LRRC4C: variants seen among roughly 807,000 people sequenced by gnomAD.
LRRC4C encodes leucine rich repeat containing 4C.
Under a neutral mutation model 33.6 loss-of-function variants are expected in LRRC4C, and 5 were observed. The observed-to-expected ratio is 0.15, with a 90% CI of 0.08 to 0.31. The LOEUF is 0.31. Ranked by LOEUF, LRRC4C falls within the 10% of genes least tolerant of loss-of-function variation. The pLI is 1.00. For missense variants in LRRC4C, 560 were observed against 796.7 expected (o/e 0.70, Z 3.58); for synonymous variants, 329 against 302.0 (o/e 1.09, Z -0.93).
At chr11:41,021,206 AGAGAGAGAGTGTGT>A (rs1298949488) in intron 1 of LRRC4C, among the ~76,000 whole-genome samples, 22 of 84,230 alleles carry the variant, frequency 2.6e-4, no homozygotes, top group African/African-American at 8.1e-4. Context: ...AGAGAGAGAG[AGAGAGAGAGTGTGT>A]GTGTGTGTGT....
At chr11:40,545,869 T>C (rs1407970574) in intron 3 of LRRC4C, among the ~76,000 whole-genome samples, 1 of 151,882 alleles carries the variant, frequency 6.6e-6, no homozygotes, top group Admixed American at 6.6e-5. Context: ...CATCAGTCAT[T>C]AAAAAATAGA....
At chr11:40,916,830 A>G (rs908418165) in intron 2 of LRRC4C, among the ~76,000 whole-genome samples, 2 of 152,072 alleles carry the variant, frequency 1.3e-5, no homozygotes, top group African/African-American at 4.8e-5. Context: ...GTTGAGGTTT[A>G]TATTTATGGA....
chr11:40,274,556 G>C (rs1399989165), intron 4 of LRRC4C, among the ~76,000 whole-genome samples: 1 of 151,838 alleles, frequency 6.6e-6, no homozygotes, highest in East Asian at 1.9e-4. Flanking sequence ...GGGAGACAGA[G>C]GAGGGCAAGA....
At chr11:41,032,674 A>G (rs1206750778) in intron 1 of LRRC4C, among the ~76,000 whole-genome samples, 1 of 152,006 alleles carries the variant, frequency 6.6e-6, no homozygotes, top group Non-Finnish European at 1.5e-5. Context: ...AGTTATTATT[A>G]TTCAATAGAT....
chr11:41,376,103 T>G (rs1415010060), intron 1 of LRRC4C, among the ~76,000 whole-genome samples: 2 of 151,874 alleles, frequency 1.3e-5, no homozygotes, highest in African/African-American at 2.4e-5. Flanking sequence ...TGTATAAAAT[T>G]TTCTCCTCCA....
rs981139521 is a variant in LRRC4C, at chr11:40,170,516, A to G, written c.-95-29663T>C. On this transcript the variant is annotated intron_variant, in intron 5 of 6. Coordinates refer to ENST00000528697, the MANE Select transcript of LRRC4C (RefSeq NM_001258419.2). The stretch of plus-strand genomic sequence containing the variant: ...ATTAAGAGAGAAAGAGAGAAAAAAA[A>G]AATCTAGAAATAACCAGAGAGGGAA... 5.9e-5 allele frequency among the ~76,000 whole-genome samples: 9 copies of G among 152,348 alleles called. 1 individual carries two copies. Among genetic ancestry groups the G allele is most frequent in the African/African-American group, 1.9e-4 (8 of 41,580 alleles).
rs1255486245 is a variant in LRRC4C at position 40,789,058 on chromosome 11, G to C, written c.-406-140780C>G. ...CAGTGAGCCGAGATCGCGCCACTGCGCTCCAGCCTGGGTGAGAGCAAGACT... is the reference window on the plus strand; with the variant it reads ...CAGTGAGCCGAGATCGCGCCACTGCCCTCCAGCCTGGGTGAGAGCAAGACT... On this transcript the variant is annotated intron_variant, in intron 2 of 6. Coordinates refer to ENST00000528697, the MANE Select transcript of LRRC4C (RefSeq NM_001258419.2). Among the ~76,000 whole-genome samples, 6 of 133,496 alleles carry C rather than the reference G, an allele frequency of 4.5e-5. No individual in the cohort carries two copies. In the East Asian group the frequency reaches 8.7e-4, roughly 19 times the overall value. The allele number at this position is 133,496 out of a possible 152,430, so 87.6% of individuals were successfully genotyped here.
chr11:40,752,984 C>T (rs1172174417), intron 2 of LRRC4C, among the ~76,000 whole-genome samples: 1 of 152,062 alleles, frequency 6.6e-6, no homozygotes, highest in Non-Finnish European at 1.5e-5. Flanking sequence ...ATGTATAGAA[C>T]TGGAGGTCAT....
At chr11:40,434,300 G>T (rs1951054174) in intron 3 of LRRC4C, among the ~76,000 whole-genome samples, 1 of 152,148 alleles carries the variant, frequency 6.6e-6, no homozygotes, top group African/African-American at 2.4e-5. Context: ...TTTCCTATTT[G>T]ATGTTTGCTT....
chr11:41,004,231 T>C (rs1233115467), intron 1 of LRRC4C, among the ~76,000 whole-genome samples: 3 of 152,218 alleles, frequency 2.0e-5, no homozygotes, highest in Non-Finnish European at 4.4e-5. Context: ...TTAGGCAGTT[T>C]CAAATTCATA....
chr11:41,057,479 C>T (rs1858714429), intron 1 of LRRC4C, among the ~76,000 whole-genome samples: 1 of 152,178 alleles, frequency 6.6e-6, no homozygotes, highest in Admixed American at 6.5e-5. Flanking sequence ...CCCTAAGGCC[C>T]CATCTTCAGG....
intron 1 of LRRC4C, among the ~76,000 whole-genome samples, chr11:41,051,334 C>T (rs530183854): frequency 3.3e-5 from 5 of 152,060 alleles, no homozygotes; most frequent in East Asian, 1.9e-4. Context: ...GTCTTTCATA[C>T]ATTTTGTATT....
chr11:41,142,912 G>C (rs1943572584), intron 1 of LRRC4C, among the ~76,000 whole-genome samples: 1 of 152,102 alleles, frequency 6.6e-6, no homozygotes, highest in Admixed American at 6.6e-5. Context: ...CAGTGTTCGT[G>C]TCATTCTTTT....
rs1022399350 is a variant in LRRC4C, at chr11:40,991,939, T to G, written c.-495-58216A>C. Among the ~76,000 whole-genome samples the G allele has an allele frequency of 5.3e-5, 8 of 152,104 alleles. 1 individual carries two copies. The highest frequency in any genetic ancestry group is 1.7e-4 in the African/African-American group (7 of 41,418). On this transcript the variant is annotated intron_variant, in intron 1 of 6. Transcript: ENST00000528697. Reference sequence around the variant, plus strand: ...ACCAACTGGTGCTGTGCAACCCAGTTCCTAAGAGGCCACCAACTGGTATAG... The same window carrying G: ...ACCAACTGGTGCTGTGCAACCCAGTGCCTAAGAGGCCACCAACTGGTATAG...
intron 5 of LRRC4C, among the ~76,000 whole-genome samples, chr11:40,240,893 T>C (rs1230794379): frequency 6.6e-6 from 1 of 152,148 alleles, no homozygotes; most frequent in African/African-American, 2.4e-5. Flanking sequence ...TCAACCATTT[T>C]CAAAACCAGA....
At chr11:40,787,051 A>G (rs942284819) in intron 2 of LRRC4C, among the ~76,000 whole-genome samples, 3 of 152,146 alleles carry the variant, frequency 2.0e-5, no homozygotes, top group Admixed American at 1.3e-4. Flanking sequence ...ACTCACCTCC[A>G]TGCCAAATAA....
At chr11:41,128,488 G>A (rs951944906) in intron 1 of LRRC4C, among the ~76,000 whole-genome samples, 5 of 151,992 alleles carry the variant, frequency 3.3e-5, no homozygotes, top group African/African-American at 1.2e-4. Flanking sequence ...AAGTTGTTAA[G>A]GCAATAAATA....
intron 1 of LRRC4C, among the ~76,000 whole-genome samples, chr11:40,982,486 T>A (rs1852613648): frequency 6.6e-6 from 1 of 152,070 alleles, no homozygotes; most frequent in South Asian, 2.1e-4. Flanking sequence ...AGACCAGTGG[T>A]TTAAATACTA....
chr11:40,893,130 A>G (rs1227743580), intron 2 of LRRC4C, among the ~76,000 whole-genome samples: 1 of 152,098 alleles, frequency 6.6e-6, no homozygotes, highest in Non-Finnish European at 1.5e-5. Context: ...CGCACACAAA[A>G]ACAAACTTCA....
Sources: gnomAD v4.1 joint callset for allele counts (sites outside exome capture counted in the v4.1 genomes callset) on GRCh38, gnomAD v4.1.1 for gene constraint, MANE v1.5 for transcripts, NCBI Gene and HGNC (gene_info 2026-07-23, HGNC 2026-07-21) for gene names.